The following ATP11B variants were observed in gnomAD, a reference collection of about 807,000 sequenced individuals.
The protein encoded by ATP11B is phospholipid-transporting ATPase IF.
Under a neutral mutation model 157.8 loss-of-function variants are expected in ATP11B, and 81 were observed. The ratio of observed to expected loss-of-function variants is 0.51; its 90% confidence interval spans 0.43 to 0.62. The LOEUF is 0.62. Among genes scored for constraint, ATP11B ranks in the 20% least tolerant of loss-of-function variants. The pLI is 0.00. For missense variants in ATP11B, 1,165 were observed against 1,402.2 expected, an observed-to-expected ratio of 0.83 and a Z score of 2.70; for synonymous variants, 451 against 469.4, an observed-to-expected ratio of 0.96 and a Z score of 0.51.
intron 1 of ATP11B, among the ~76,000 whole-genome samples, chr3:182,796,737 A>T (rs1367441529): frequency 6.6e-6 from 1 of 152,226 alleles, no homozygotes; most frequent in African/African-American, 2.4e-5. Context: ...CATTGGATAC[A>T]TGTTGCTGAA....
intron 29 of ATP11B, chr3:182,916,446 A>T (rs918445312): frequency 2.0e-6 from 2 of 985,264 alleles, no homozygotes; most frequent in African/African-American, 3.5e-5. Context: ...AATTTGACTT[A>T]CATTTTATTA....
intron 29 of ATP11B, chr3:182,915,055 ACTC>A (rs1725051581): frequency 3.0e-6 from 3 of 985,198 alleles, no homozygotes; most frequent in Non-Finnish European, 3.6e-6. Flanking sequence ...AGAAGGCACT[ACTC>A]CTATCTACTG....
At chr3:182,885,878 A>T (rs1412395797) in intron 22 of ATP11B, 73 bp from the exon 23 acceptor site, 3 of 1,090,222 alleles carry the variant, frequency 2.8e-6, no homozygotes, top group South Asian at 1.7e-5. Flanking sequence ...TTTAACAGCC[A>T]TTTTTTTTAT....
chr3:182,873,455 A>G (rs555364066), intron 18 of ATP11B, among the ~76,000 whole-genome samples: 1 of 152,214 alleles, frequency 6.6e-6, no homozygotes, highest in African/African-American at 2.4e-5. Context: ...ATTTTTTTAA[A>G]TCAAAACAAA....
chr3:182,915,038 A>G (rs868635316), intron 29 of ATP11B: 1 of 985,310 alleles, frequency 1.0e-6, no homozygotes, highest in Non-Finnish European at 1.2e-6. Flanking sequence ...CAGGTTATAA[A>G]GAGTGAAGAA....
At chr3:182,885,356 A>G (rs887000805) in intron 22 of ATP11B, among the ~76,000 whole-genome samples, 5 of 152,098 alleles carry the variant, frequency 3.3e-5, no homozygotes, top group Admixed American at 3.3e-4. Flanking sequence ...AGTTTGCAGA[A>G]CCCACATTAA....
intron 28 of ATP11B, among the ~76,000 whole-genome samples, chr3:182,910,071 CAGAAAAAA>C (rs1724667732): frequency 8.3e-5 from 6 of 72,302 alleles, no homozygotes; most frequent in Admixed American, 6.2e-4. Flanking sequence ...ACTCGGCCTC[CAGAAAAAA>C]AAAAAAAAAA....
At chr3:182,840,743 C>G (rs748426004) in intron 7 of ATP11B, among the ~76,000 whole-genome samples, 25 of 152,272 alleles carry the variant, frequency 1.6e-4, no homozygotes, top group Admixed American at 3.3e-4. Flanking sequence ...TCAGAACATT[C>G]TGAAGGCTTA....
chr3:182,866,613 A>G (rs967941403), intron 14 of ATP11B, among the ~76,000 whole-genome samples, 170 bp downstream of exon 14: 1 of 151,974 alleles, frequency 6.6e-6, no homozygotes, highest in African/African-American at 2.4e-5. Context: ...TGACAATTTG[A>G]AGTCATTTTA....
At position 182,874,033 on chromosome 3, in the gene ATP11B, T is replaced by C. The variant is rs1721854741; in HGVS notation, c.2252+18T>C. 1 of 1,607,248 alleles carries C rather than the reference T, an allele frequency of 6.2e-7. No homozygotes were observed. Among genetic ancestry groups the C allele is most frequent in the South Asian group, 1.1e-5 (1 of 90,472 alleles). ...GCCAGAAGGTAAGAATATAGGAACC[T>C]GTATCATACCTTTCAGGGGTTAGCA... On this transcript the variant is annotated intron_variant, in intron 19 of 29. Transcript: ENST00000323116.
At position 182,879,512 on chromosome 3, in the gene ATP11B, G is replaced by T; in HGVS notation, c.2269G>T (p.Val757Leu). 1 of 1,603,932 alleles carries T rather than the reference G, an allele frequency of 6.2e-7. No homozygotes were observed. Among genetic ancestry groups the T allele is most frequent in the South Asian group, 1.1e-5 (1 of 88,782 alleles). Residue 757 changes from valine to leucine, a missense_variant, in exon 20 of 30, where the codon GTG becomes TTG. Physicochemically the swap from Val to Leu is conservative, Grantham distance 32. Transcript: ENST00000323116. ...CTCTTTTAGAATTACAGAGGATCAT[G>T]TGATTCAGCATGGGCTGGTAGTGGA... is the stretch of plus-strand genomic sequence containing the variant. ...QLARRITEDH[V>L]IQHGLVVDGT...
rs1577097552 is a variant in ATP11B, at chr3:182,898,890, C to G, written c.3318+118C>G. The G allele has an allele frequency of 9.3e-6, 6 of 648,114 alleles. No individual in the cohort carries two copies. In the African/African-American group the frequency reaches 1.1e-4, roughly 12 times the overall value. 40.1% of individuals were successfully genotyped at this position (648,114 alleles called of 1,614,324 possible). On this transcript the variant is annotated intron_variant, in intron 28 of 29. Coordinates refer to ENST00000323116, the MANE Select transcript of ATP11B (RefSeq NM_014616.3). Reference sequence around the variant, plus strand: ...AGGAAATTAGCCATTCCTGTTTCAACTATTTTGTAACATAAACATTGTTCA... The same window carrying G: ...AGGAAATTAGCCATTCCTGTTTCAAGTATTTTGTAACATAAACATTGTTCA...
chr3:182,873,884 G>A lies in ATP11B; in HGVS notation c.2121G>A (p.Gly707=), dbSNP rs139894046. The change falls in exon 19 of 30, where the codon GGG becomes GGA. Residue 707 remains glycine, a synonymous_variant. Transcript: ENST00000323116. ...MAGIKVWVLT[G]DKHETAVSVS... ...GTATCAAAGTATGGGTACTTACTGG[G>A]GATAAACATGAAACAGCTGTTAGTG... is the stretch of plus-strand genomic sequence containing the variant. 4.3e-6 allele frequency: 7 copies of A among 1,613,918 alleles called. No individual in the cohort carries two copies. In the Admixed American group the frequency reaches 6.7e-5, roughly 15 times the overall value.
intron 19 of ATP11B, among the ~76,000 whole-genome samples, chr3:182,875,661 G>A (rs1364199396): frequency 1.3e-5 from 2 of 152,106 alleles, no homozygotes; most frequent in Non-Finnish European, 2.9e-5. Flanking sequence ...GGCTGGTCTC[G>A]AACACCTGAC....
At chr3:182,874,454 A>G (rs949679463) in intron 19 of ATP11B, among the ~76,000 whole-genome samples, 3 of 152,204 alleles carry the variant, frequency 2.0e-5, no homozygotes, top group Non-Finnish European at 2.9e-5. Context: ...TTTTATTAGT[A>G]TATGGCCATC....
chr3:182,807,028 C>T (rs1240124977), intron 1 of ATP11B, among the ~76,000 whole-genome samples: 1 of 108,512 alleles, frequency 9.2e-6, no homozygotes. Flanking sequence ...TTAAGCTTGG[C>T]TAAGTATTAA....
chr3:182,879,761 GCTAGGAGTCAGT>G, intron 20 of ATP11B, 112 bp downstream of exon 20: 1 of 970,814 alleles, frequency 1.0e-6, no homozygotes, highest in Non-Finnish European at 1.4e-6. Flanking sequence ...TATACATTTT[GCTAGGAGTCAGT>G]CACATCTCAT....
Position 182,883,912 on chromosome 3 carries a change from G to A in ATP11B, c.2510-841G>A, listed in dbSNP as rs1468112425. ...GGAGCTTGCAGTGAGCCGAGATCCC[G>A]CCACTGCACTCCAGCCTGGGCGACA... On this transcript the variant is annotated intron_variant, in intron 21 of 29. Coordinates refer to ENST00000323116, the MANE Select transcript of ATP11B (RefSeq NM_014616.3). 2.2e-5 allele frequency among the ~76,000 whole-genome samples: 3 copies of A among 135,556 alleles called. No homozygotes were observed. The East Asian group carries it at 6.4e-4, about 29-fold the overall frequency. The allele number at this position is 135,556 out of a possible 152,430, so 88.9% of individuals were successfully genotyped here.
chr3:182,913,599 A>T (rs953246868), intron 28 of ATP11B, among the ~76,000 whole-genome samples: 3 of 152,252 alleles, frequency 2.0e-5, no homozygotes, highest in Admixed American at 1.3e-4. Context: ...TGAAACATTA[A>T]AAGTAGATTT....
Sources: gnomAD v4.1 joint callset for allele counts (sites outside exome capture counted in the v4.1 genomes callset) on GRCh38, gnomAD v4.1.1 for gene constraint, MANE v1.5 for transcripts, NCBI Gene and HGNC (gene_info 2026-07-23, HGNC 2026-07-21) for gene names.